RUBCN: variants seen among roughly 807,000 people sequenced by gnomAD.
The protein encoded by RUBCN is rubicon autophagy regulator.
RUBCN carries 74 observed loss-of-function variants against 113.2 expected under a neutral mutation model. The observed-to-expected ratio is 0.65, with a 90% CI of 0.54 to 0.79. The LOEUF (loss-of-function observed/expected upper bound fraction) is 0.79, where lower values mean the gene tolerates loss of function less well. Among genes scored for constraint, RUBCN ranks in the 30% least tolerant of loss-of-function variants. The probability of loss-of-function intolerance (pLI) is 0.00; values close to 1 mark genes in which losing one functional copy is unlikely to be tolerated. For missense variants in RUBCN, 1,109 were observed against 1,251.7 expected (o/e 0.89, Z 1.72); for synonymous variants, 480 against 490.0 (o/e 0.98, Z 0.27).
In RUBCN at chr3:197,708,554, CAAA is replaced by C. The variant is rs113534449; in HGVS notation, c.220-3382_220-3380del. On this transcript the variant is annotated intron_variant, in intron 2 of 19. Transcript: ENST00000296343. ...AAAAAAAAGACTACAGTGGTAGACT[CAAA>C]AAAAAAAAAAAAAAAAAAGAGCAAT... is the stretch of plus-strand genomic sequence containing the variant. Among the ~76,000 whole-genome samples, 506 of 74,562 alleles carry C rather than the reference CAAA, an allele frequency of 6.8e-3. 6 individuals are homozygous for C. The highest frequency in any genetic ancestry group is 0.017 in the African/African-American group (437 of 25,312). 48.9% of individuals were successfully genotyped at this position (74,562 alleles called of 152,430 possible).
rs74832164 is a variant in RUBCN at position 197,744,174 on chromosome 3, C to T, written c.-116+5095G>A. Reference sequence around the variant, plus strand: ...CAAAAGAGTTAACATAAGAAACAGACAAATGAATTACAAGAAAAGGAAATT... The same window carrying T: ...CAAAAGAGTTAACATAAGAAACAGATAAATGAATTACAAGAAAAGGAAATT... On this transcript the variant is annotated intron_variant, in intron 1 of 20. Coordinates refer to the RUBCN transcript ENST00000273582. Among the ~76,000 whole-genome samples, 56 of 151,838 alleles carry T rather than the reference C, an allele frequency of 3.7e-4. No individual in the cohort carries two copies. The East Asian group carries it at 0.01, about 27-fold the overall frequency.
At position 197,682,517 on chromosome 3, in the gene RUBCN, C is replaced by T. The variant is rs1315164620; in HGVS notation, c.2079G>A (p.Trp693Ter). The change falls in exon 14 of 20, where the codon TGG becomes TGA. Residue 693 changes from tryptophan (W) to a stop codon, truncating the protein, a stop_gained. Coordinates refer to ENST00000296343, the MANE Select transcript of RUBCN (RefSeq NM_014687.4). LOFTEE classifies it high-confidence loss of function. ...LRIRVRGNLEWAPPRPQIIFN... is the reference protein window; with the variant it reads ...LRIRVRGNLE Reference sequence around the variant, plus strand: ...AAATTATCTGAGGCCGGGGCGGGGCCCACTCCAAGTTGCCACGAACACGAA... The same window carrying T: ...AAATTATCTGAGGCCGGGGCGGGGCTCACTCCAAGTTGCCACGAACACGAA... 6.2e-7 allele frequency: 1 copy of T among 1,614,144 alleles called. No homozygotes were observed. Among genetic ancestry groups the T allele is most frequent in the Admixed American group, 1.7e-5 (1 of 60,022 alleles).
intron 11 of RUBCN, among the ~76,000 whole-genome samples, chr3:197,684,651 T>C (rs1721629592): frequency 6.6e-6 from 1 of 151,682 alleles, no homozygotes; most frequent in Non-Finnish European, 1.5e-5. Flanking sequence ...CTGGCTTATA[T>C]ATATATACAT....
chr3:197,715,237 C>G (rs908088122), intron 2 of RUBCN, among the ~76,000 whole-genome samples: 5 of 145,952 alleles, frequency 3.4e-5, no homozygotes, highest in Middle Eastern at 3.6e-3. Flanking sequence ...TGTGGTGAGC[C>G]GAGATCGTGC....
chr3:197,692,727 G>A (rs945266067), intron 11 of RUBCN, among the ~76,000 whole-genome samples: 3 of 152,144 alleles, frequency 2.0e-5, no homozygotes, highest in Non-Finnish European at 4.4e-5. Flanking sequence ...ACATTAAGGA[G>A]AACATAGAAG....
chr3:197,725,426 T>C (rs552480793), intron 1 of RUBCN, among the ~76,000 whole-genome samples: 1 of 151,650 alleles, frequency 6.6e-6, no homozygotes, highest in Non-Finnish European at 1.5e-5. Context: ...AGGAAAAACA[T>C]ACTTGACTCT....
intron 1 of RUBCN, among the ~76,000 whole-genome samples, chr3:197,734,201 G>T (rs1727851412): frequency 6.6e-6 from 1 of 150,410 alleles, no homozygotes; most frequent in African/African-American, 2.4e-5. Context: ...AGGTTGTAGT[G>T]AAGCAAGACG....
rs529146812 is a variant in RUBCN at position 197,731,286 on chromosome 3, T to C, written c.65+5369A>G. Among the ~76,000 whole-genome samples, 372 of 149,628 alleles carry C rather than the reference T, an allele frequency of 2.5e-3. 1 individual carries two copies. The highest frequency in any genetic ancestry group is 8.4e-3 in the African/African-American group (346 of 41,018). ...TTCAACCCTGAGTGGATACAGCACATGTTTCAGAGAGCACAGGGTTGGGGG... is the reference window on the plus strand; with the variant it reads ...TTCAACCCTGAGTGGATACAGCACACGTTTCAGAGAGCACAGGGTTGGGGG... On this transcript the variant is annotated intron_variant, in intron 1 of 19. Transcript: ENST00000296343.
In RUBCN at chr3:197,701,826, C is replaced by G. The variant is rs745455088; in HGVS notation, c.609G>C (p.Lys203Asn). 5 of 1,614,052 alleles carry G rather than the reference C, an allele frequency of 3.1e-6. No individual in the cohort carries two copies. In the African/African-American group the frequency reaches 5.3e-5, roughly 17 times the overall value. The change falls in exon 6 of 20, where the codon AAG (lysine) becomes AAC (asparagine). Residue 203 changes from lysine to asparagine, a missense_variant. Transcript: ENST00000296343. ...TGGGCAGGGCTGTCAGGCTCTGGCT[C>G]TTTGTCACCAGGAGCGGGCTCTCGT... ...RKHESPLLVT[K>N]SQSLTALPSS...
Position 197,696,880 on chromosome 3 carries a change from AC to A in RUBCN, c.1357+73del. 20 of 836,862 alleles carry A rather than the reference AC, an allele frequency of 2.4e-5. No homozygotes were observed. The Middle Eastern group carries it at 6.7e-4, about 28-fold the overall frequency. 51.8% of individuals were successfully genotyped at this position (836,862 alleles called of 1,614,324 possible). A position where few individuals can be genotyped will look rare whatever the true frequency, so the allele number is the denominator to read the frequency against. Reference sequence around the variant, plus strand: ...CCAGAGAGCTGAGATGAACCCCAAAACTCAGAACTTAGCAGGCACAAGGGGT... The same window carrying A: ...CCAGAGAGCTGAGATGAACCCCAAAATCAGAACTTAGCAGGCACAAGGGGT... On this transcript the variant is annotated intron_variant, in intron 8 of 19. Coordinates refer to ENST00000296343, the MANE Select transcript of RUBCN (RefSeq NM_014687.4).
chr3:197,736,843 T>A lies in RUBCN; in HGVS notation c.-124A>T. 1 of 1,391,970 alleles carries A rather than the reference T, an allele frequency of 7.2e-7. No individual in the cohort carries two copies. Among genetic ancestry groups the A allele is most frequent in the Non-Finnish European group, 9.2e-7 (1 of 1,081,112 alleles). 86.2% of individuals were successfully genotyped at this position (1,391,970 alleles called of 1,614,324 possible). On this transcript the variant is annotated 5_prime_UTR_variant, in exon 1 of 20. Coordinates refer to ENST00000296343, the MANE Select transcript of RUBCN (RefSeq NM_014687.4). ...GGCCGGTGGGCTCCGGGTGATGCGC[T>A]ACACCCGGGCGGCGACAGCGGGAGG...
chr3:197,676,075 T>C, intron 18 of RUBCN: 1 of 507,822 alleles, frequency 2.0e-6, no homozygotes, highest in Non-Finnish European at 2.6e-6. Context: ...GTTGAGTAGA[T>C]GACGACAATA....
At chr3:197,715,455 C>T (rs1312844840) in intron 2 of RUBCN, among the ~76,000 whole-genome samples, 3 of 152,072 alleles carry the variant, frequency 2.0e-5, no homozygotes, top group Non-Finnish European at 2.9e-5. Context: ...AAATAGTTCT[C>T]GGATTGTCCT....
At position 197,683,463 on chromosome 3, in the gene RUBCN, G is replaced by A. The variant is rs199507864; in HGVS notation, c.1848-24C>T. ...AGCTGGAAAGGGGAGAATCAAGGAC[G>A]GCTGAACACAGGGAAAGGATGGGCG... On this transcript the variant is annotated intron_variant, in intron 12 of 19. Transcript: ENST00000296343. The surrounding 1 kb of genome is among the most constrained non-coding windows in gnomAD (Gnocchi z 4.6). The A allele has an allele frequency of 2.1e-5, 34 of 1,613,232 alleles. No homozygotes were observed. The East Asian group carries it at 3.3e-4, about 16-fold the overall frequency.
intron 1 of RUBCN, among the ~76,000 whole-genome samples, chr3:197,735,791 T>C (rs1295524260): frequency 2.0e-5 from 3 of 151,968 alleles, no homozygotes; most frequent in African/African-American, 7.3e-5. Flanking sequence ...GGGATCTCCC[T>C]AGGTTACCCA....
upstream of RUBCN, among the ~76,000 whole-genome samples, chr3:197,738,938 C>G (rs1393031151): frequency 3.3e-5 from 5 of 151,952 alleles, no homozygotes; most frequent in African/African-American, 1.2e-4. Context: ...TTTTGGCATA[C>G]AGTATAATCC....
Position 197,681,255 on chromosome 3 carries a change from G to T in RUBCN, c.2304C>A (p.Phe768Leu). 1 of 1,614,112 alleles carries T rather than the reference G, an allele frequency of 6.2e-7. No homozygotes were observed. The highest frequency in any genetic ancestry group is 1.1e-5 in the South Asian group (1 of 91,082). The change falls in exon 16 of 20, where the codon TTC becomes TTA. Residue 768 changes from phenylalanine to leucine, a missense_variant. Physicochemically the swap from Phe to Leu is conservative, Grantham distance 22 (BLOSUM62 0). Coordinates refer to ENST00000296343, the MANE Select transcript of RUBCN (RefSeq NM_014687.4). The surrounding 1 kb of genome is among the most constrained non-coding windows in gnomAD (Gnocchi z 5.5). ...AGAAGTTGCTGACGTAGTACTTGCT[G>T]AAGTCCCACTTGCGCAGAACCCGGC... ...IPSRVLRKWD[F>L]SKYYVSNFSK...
intron 1 of RUBCN, among the ~76,000 whole-genome samples, chr3:197,723,631 C>G (rs1726413339): frequency 6.6e-6 from 1 of 152,142 alleles, no homozygotes. Flanking sequence ...TTTATATTGC[C>G]TATCTCTTTA....
At chr3:197,679,857 C>T (rs569946411) in intron 16 of RUBCN, among the ~76,000 whole-genome samples, 14 of 148,112 alleles carry the variant, frequency 9.5e-5, no homozygotes, top group Non-Finnish European at 1.8e-4. Flanking sequence ...CTGTCCTACG[C>T]TCTGACAACT....
Sources: gnomAD v4.1 joint callset for allele counts (sites outside exome capture counted in the v4.1 genomes callset) on GRCh38, gnomAD v4.1.1 for gene constraint, Gnocchi (gnomAD v3.1) non-coding constraint, MANE v1.5 for transcripts, NCBI Gene and HGNC (gene_info 2026-07-23, HGNC 2026-07-21) for gene names.